The following CACNB2 variants were observed in gnomAD, a reference collection of about 807,000 sequenced individuals.
CACNB2 encodes the protein calcium voltage-gated channel auxiliary subunit beta 2.
Under a neutral mutation model 73.3 loss-of-function variants are expected in CACNB2, and 42 were observed. That is an observed-to-expected ratio of 0.57 (90% CI 0.45 to 0.74). The LOEUF (loss-of-function observed/expected upper bound fraction) is 0.74. CACNB2 is among the 30% of genes least tolerant of loss of function. The pLI is 0.00. For missense variants in CACNB2, 940 were observed against 853.0 expected (o/e 1.10, Z -1.27); for synonymous variants, 348 against 310.3 (o/e 1.12, Z -1.28).
intron 3 of CACNB2, among the ~76,000 whole-genome samples, chr10:18,416,435 G>A (rs2044967906): frequency 6.6e-6 from 1 of 152,050 alleles, no homozygotes; most frequent in South Asian, 2.1e-4. Flanking sequence ...TTTGTTTTTT[G>A]AGACAAAGTC....
intron 2 of CACNB2, among the ~76,000 whole-genome samples, chr10:18,385,018 G>A (rs1426026511): frequency 6.6e-6 from 1 of 151,896 alleles, no homozygotes; most frequent in Admixed American, 6.6e-5. Context: ...GGTAGATCAC[G>A]CCTGTAATCC....
intron 2 of CACNB2, among the ~76,000 whole-genome samples, chr10:18,213,835 T>C (rs956543305): frequency 2.0e-5 from 3 of 152,204 alleles, no homozygotes; most frequent in East Asian, 1.9e-4. Context: ...GATGACCCTG[T>C]AGAAGTTATT....
chr10:18,514,436 G>A lies in CACNB2; in HGVS notation c.804+67G>A, dbSNP rs1330407961. 8 of 1,613,696 alleles carry A rather than the reference G, an allele frequency of 5.0e-6. No individual in the cohort carries two copies. The East Asian group carries it at 1.6e-4, about 31-fold the overall frequency. ...TGCACTGCGTCACATTTCTAGTCCT[G>A]TTGACTGTCTGCGTCCTTTGATAAG... On this transcript the variant is annotated intron_variant, in intron 7 of 13. Transcript: ENST00000324631.
intron 3 of CACNB2, among the ~76,000 whole-genome samples, chr10:18,443,662 T>C (rs2132552766): frequency 6.6e-6 from 1 of 152,160 alleles, no homozygotes; most frequent in South Asian, 2.1e-4. Context: ...GAAGAGAGCC[T>C]TCTGTCCTTA....
In CACNB2 at chr10:18,220,221, A is replaced by AG. The variant is rs1160775101; in HGVS notation, c.213+69246_213+69247insG. Among the ~76,000 whole-genome samples the AG allele has an allele frequency of 1.0e-4, 6 of 57,268 alleles. 1 individual carries two copies. The East Asian group carries it at 2.4e-3, about 23-fold the overall frequency. The allele number at this position is 57,268 out of a possible 152,430, so 37.6% of individuals were successfully genotyped here. A position where few individuals can be genotyped will look rare whatever the true frequency, so the allele number is the denominator to read the frequency against. On this transcript the variant is annotated intron_variant, in intron 2 of 13. Coordinates refer to ENST00000324631, the MANE Select transcript of CACNB2 (RefSeq NM_201596.3). ...TGTGTGTATATATATATATATATAT[A>AG]TATATATATATAGAGAGAGAGAGAG...
chr10:18,183,696 T>C (rs1033158036), intron 2 of CACNB2, among the ~76,000 whole-genome samples: 17 of 152,192 alleles, frequency 1.1e-4, no homozygotes, highest in South Asian at 2.1e-4. Context: ...GCAGGAATTA[T>C]GGGAGCTACA....
chr10:18,357,994 T>C (rs1203344265), intron 2 of CACNB2, among the ~76,000 whole-genome samples: 1 of 152,154 alleles, frequency 6.6e-6, no homozygotes, highest in East Asian at 1.9e-4. Context: ...CAGCACATCA[T>C]TGTCGCAGTG....
At chr10:18,518,226 C>A in intron 7 of CACNB2, 110 bp from the exon 8 acceptor site, 1 of 798,316 alleles carries the variant, frequency 1.3e-6, no homozygotes, top group South Asian at 1.3e-5. Context: ...AATAAAATGT[C>A]TGGAAAGCCA....
chr10:18,145,413 AT>A (rs5783585), intron 1 of CACNB2, among the ~76,000 whole-genome samples: 69,552 of 149,846 alleles, frequency 0.46, 16,041 homozygotes, highest in East Asian at 0.57. Flanking sequence ...CTTGAATGGT[AT>A]TTTTTTTTTT....
At chr10:18,531,973 C>G (rs1223990986) in intron 10 of CACNB2, 1 of 152,314 alleles carries the variant, frequency 6.6e-6, no homozygotes, top group East Asian at 1.9e-4. Context: ...TGGAAAGAAT[C>G]AAATTGACTT....
chr10:18,192,805 G>A (rs1168144546), intron 2 of CACNB2, among the ~76,000 whole-genome samples: 1 of 152,098 alleles, frequency 6.6e-6, no homozygotes, highest in African/African-American at 2.4e-5. Flanking sequence ...CCACATTGCA[G>A]CCATACTTCA....
At chr10:18,159,799 C>T (rs957016044) in intron 2 of CACNB2, among the ~76,000 whole-genome samples, 1 of 152,168 alleles carries the variant, frequency 6.6e-6, no homozygotes, top group Non-Finnish European at 1.5e-5. Flanking sequence ...TCTTTCAGCC[C>T]TTAAATACTG....
At chr10:18,324,615 G>A (rs2040512912) in intron 2 of CACNB2, among the ~76,000 whole-genome samples, 1 of 152,268 alleles carries the variant, frequency 6.6e-6, no homozygotes, top group African/African-American at 2.4e-5. Flanking sequence ...CACTTTGGGA[G>A]GCCGAAGTGG....
At chr10:18,357,492 C>T (rs938750215) in intron 2 of CACNB2, among the ~76,000 whole-genome samples, 12 of 152,208 alleles carry the variant, frequency 7.9e-5, no homozygotes, top group Middle Eastern at 3.4e-3. Context: ...GACGGATTAG[C>T]GGTGATGTAC....
chr10:18,428,507 T>C (rs1460172254), intron 3 of CACNB2, among the ~76,000 whole-genome samples: 1 of 152,042 alleles, frequency 6.6e-6, no homozygotes, highest in African/African-American at 2.4e-5. Flanking sequence ...GCCAACATGG[T>C]GAAACCCCTT....
intron 3 of CACNB2, among the ~76,000 whole-genome samples, chr10:18,462,933 A>G (rs1254965332): frequency 6.6e-6 from 1 of 151,740 alleles, no homozygotes; most frequent in Non-Finnish European, 1.5e-5. Flanking sequence ...TAATTTTTGT[A>G]TTTTTAGTAG....
chr10:18,445,844 G>A (rs1218082240), intron 3 of CACNB2, among the ~76,000 whole-genome samples: 1 of 152,196 alleles, frequency 6.6e-6, no homozygotes, highest in Non-Finnish European at 1.5e-5. Context: ...GACCAGCCTG[G>A]TCAACATGGT....
intron 3 of CACNB2, among the ~76,000 whole-genome samples, chr10:18,497,659 A>C (rs550147286): frequency 6.6e-6 from 1 of 152,302 alleles, no homozygotes; most frequent in South Asian, 2.1e-4. Flanking sequence ...TCCTAGGGTC[A>C]AGCAATCCTC....
intron 5 of CACNB2, among the ~76,000 whole-genome samples, chr10:18,501,757 C>T (rs777735226): frequency 5.3e-5 from 8 of 152,150 alleles, no homozygotes; most frequent in Non-Finnish European, 1.2e-4. Context: ...ATCCCTTTGT[C>T]AGTGATAATA....
Sources: gnomAD v4.1 joint callset for allele counts (sites outside exome capture counted in the v4.1 genomes callset) on GRCh38, gnomAD v4.1.1 for gene constraint, MANE v1.5 for transcripts, NCBI Gene and HGNC (gene_info 2026-07-23, HGNC 2026-07-21) for gene names.